Variants in DAB1 observed in about 807,000 individuals in gnomAD.
The protein encoded by DAB1 is DAB adaptor protein 1, also known as disabled homolog 1.
A neutral mutation model predicts 64.6 loss-of-function variants in DAB1; 15 were observed. The observed-to-expected ratio is 0.23, with a 90% CI of 0.16 to 0.36. The LOEUF (loss-of-function observed/expected upper bound fraction) is 0.36. DAB1 is among the 10% of genes least tolerant of loss of function. The pLI is 1.00. For missense variants in DAB1, 596 were observed against 706.7 expected (o/e 0.84, Z 1.78); for synonymous variants, 235 against 251.9 (o/e 0.93, Z 0.64).
intron 2 of DAB1, among the ~76,000 whole-genome samples, chr1:57,263,947 G>A (rs979482953): frequency 1.3e-5 from 2 of 152,124 alleles, no homozygotes; most frequent in East Asian, 1.9e-4. Context: ...ACCACAAGGG[G>A]AAAATTGTAA....
At chr1:58,069,701 T>C (rs1649115365) in intron 5 of DAB1, among the ~76,000 whole-genome samples, 1 of 152,186 alleles carries the variant, frequency 6.6e-6, no homozygotes, top group Admixed American at 6.5e-5. Flanking sequence ...TGATATCTTA[T>C]GTAATACATC....
At chr1:57,176,734 T>C (rs1328772781) in intron 2 of DAB1, among the ~76,000 whole-genome samples, 2 of 152,024 alleles carry the variant, frequency 1.3e-5, no homozygotes, top group Admixed American at 6.6e-5. Context: ...TCCTTCTGGT[T>C]ATGGGCAAAG....
chr1:57,950,401 T>G (rs940397132), intron 5 of DAB1, among the ~76,000 whole-genome samples: 12 of 152,152 alleles, frequency 7.9e-5, no homozygotes, highest in African/African-American at 2.9e-4. Context: ...ACCTTATATT[T>G]CATCATTTCT....
chr1:57,885,187 A>G (rs1644204086), upstream of DAB1, among the ~76,000 whole-genome samples: 1 of 152,266 alleles, frequency 6.6e-6, no homozygotes, highest in Non-Finnish European at 1.5e-5. Flanking sequence ...GAATTATCAT[A>G]GCATTTTAAG....
intron 5 of DAB1, among the ~76,000 whole-genome samples, chr1:58,069,762 C>T (rs1437353693): frequency 3.3e-5 from 5 of 152,146 alleles, no homozygotes; most frequent in Non-Finnish European, 7.3e-5. Flanking sequence ...AAAGCATTAT[C>T]CCCATTTCAG....
At chr1:57,748,894 C>T (rs570504082) in intron 6 of DAB1, among the ~76,000 whole-genome samples, 2 of 152,270 alleles carry the variant, frequency 1.3e-5, no homozygotes, top group East Asian at 1.9e-4. Flanking sequence ...GCCATGCGTA[C>T]GATGAAAAGG....
At chr1:57,345,915 G>T (rs1678040808) in intron 1 of DAB1, among the ~76,000 whole-genome samples, 1 of 152,182 alleles carries the variant, frequency 6.6e-6, no homozygotes, top group African/African-American at 2.4e-5. Flanking sequence ...AACAGAAGAA[G>T]GAATTAACAG....
intron 12 of DAB1, among the ~76,000 whole-genome samples, chr1:57,013,868 G>A (rs1646339545): frequency 6.6e-6 from 1 of 152,162 alleles, no homozygotes; most frequent in Non-Finnish European, 1.5e-5. Context: ...GAAGAAATAT[G>A]AGCTGGAGGA....
chr1:58,316,974 T>G (rs11805665), intron 4 of DAB1, among the ~76,000 whole-genome samples: 35 of 152,250 alleles, frequency 2.3e-4, no homozygotes, highest in African/African-American at 8.2e-4. Context: ...GAGAATTATC[T>G]AACTTAATCA....
chr1:57,361,331 G>A (rs760860302), intron 1 of DAB1, among the ~76,000 whole-genome samples: 3 of 152,218 alleles, frequency 2.0e-5, no homozygotes, highest in Admixed American at 6.5e-5. Context: ...GAGCATGGAC[G>A]TGGAATCAGA....
chr1:57,069,891 A>T lies in DAB1; in HGVS notation c.598-466T>A, dbSNP rs1651287863. 4.6e-5 allele frequency among the ~76,000 whole-genome samples: 7 copies of T among 152,198 alleles called. No homozygotes were observed. In the South Asian group the frequency reaches 1.5e-3, roughly 32 times the overall value. On this transcript the variant is annotated intron_variant, in intron 7 of 14. Coordinates refer to ENST00000371236, the MANE Select transcript of DAB1 (RefSeq NM_001365792.1). Reference sequence around the variant, plus strand: ...AAGCCCCAAACTCCTTTATCCCATAAATATCACCTTATTTTGCGTTCTCAC... The same window carrying T: ...AAGCCCCAAACTCCTTTATCCCATATATATCACCTTATTTTGCGTTCTCAC...
intron 4 of DAB1, among the ~76,000 whole-genome samples, chr1:58,283,244 GAGA>G (rs1208111825): frequency 3.9e-5 from 6 of 151,980 alleles, no homozygotes; most frequent in African/African-American, 7.3e-5. Context: ...AGGAAGCAGA[GAGA>G]AGAAGAATTT....
intron 4 of DAB1, among the ~76,000 whole-genome samples, chr1:58,245,537 C>T (rs1007863211): frequency 6.6e-6 from 1 of 152,140 alleles, no homozygotes; most frequent in African/African-American, 2.4e-5. Flanking sequence ...AGATGCCCTG[C>T]CTCTGGGTGC....
chr1:57,911,694 G>A (rs747022555), intron 5 of DAB1, among the ~76,000 whole-genome samples: 25 of 152,196 alleles, frequency 1.6e-4, no homozygotes, highest in Non-Finnish European at 3.1e-4. Context: ...AGCACAAGCC[G>A]TGCAGTGCCT....
intron 7 of DAB1, among the ~76,000 whole-genome samples, chr1:57,446,357 G>A (rs1467395800): frequency 2.6e-5 from 4 of 152,064 alleles, no homozygotes; most frequent in Non-Finnish European, 5.9e-5. Context: ...CAGCACTTTG[G>A]GAGGCTGAGG....
intron 7 of DAB1, among the ~76,000 whole-genome samples, chr1:57,469,674 T>C (rs2101202552): frequency 6.6e-6 from 1 of 152,326 alleles, no homozygotes; most frequent in Non-Finnish European, 1.5e-5. Flanking sequence ...GCCTTGTCAT[T>C]TGAACCACCT....
chr1:57,042,608 T>C (rs975576638), intron 9 of DAB1, among the ~76,000 whole-genome samples: 3 of 152,184 alleles, frequency 2.0e-5, no homozygotes, highest in East Asian at 1.9e-4. Context: ...TTATTCATCT[T>C]TGATTTTCTA....
chr1:58,251,258 G>A (rs1660787953), intron 4 of DAB1, among the ~76,000 whole-genome samples: 1 of 152,292 alleles, frequency 6.6e-6, no homozygotes, highest in African/African-American at 2.4e-5. Context: ...ATTTTTGTGT[G>A]CTTACTATGA....
chr1:58,020,612 G>A (rs1051159088), intron 5 of DAB1, among the ~76,000 whole-genome samples: 1 of 152,156 alleles, frequency 6.6e-6, no homozygotes, highest in Non-Finnish European at 1.5e-5. Context: ...AGCAGGTTCT[G>A]TAAAAAAAAG....
Sources: gnomAD v4.1 joint callset for allele counts (sites outside exome capture counted in the v4.1 genomes callset) on GRCh38, gnomAD v4.1.1 for gene constraint, MANE v1.5 for transcripts, NCBI Gene and HGNC (gene_info 2026-07-23, HGNC 2026-07-21) for gene names.